The following CSMD2 variants were observed in gnomAD, a reference collection of about 807,000 sequenced individuals.
CSMD2 encodes the protein CUB and sushi domain-containing protein 2.
CSMD2 carries 130 observed loss-of-function variants against 398.5 expected under a neutral mutation model. The observed-to-expected ratio is 0.33, with a 90% confidence interval of 0.28 to 0.38. CSMD2 has a LOEUF of 0.38. CSMD2 is among the 10% of genes least tolerant of loss of function. The pLI is 1.00. For missense variants in CSMD2, 3,829 were observed against 4,764.9 expected (o/e 0.80, Z 5.78); for synonymous variants, 1,828 against 1,908.5 (o/e 0.96, Z 1.10).
chr1:34,161,631 T>G (rs1025170780), intron 1 of CSMD2, among the ~76,000 whole-genome samples: 7 of 152,072 alleles, frequency 4.6e-5, no homozygotes, highest in African/African-American at 1.7e-4. Context: ...TACAATGTAT[T>G]TGGCAATTGA....
At chr1:34,096,282 T>C (rs889269884) in intron 1 of CSMD2, among the ~76,000 whole-genome samples, 10 of 151,848 alleles carry the variant, frequency 6.6e-5, no homozygotes, top group African/African-American at 2.4e-4. Context: ...GAGCTATCTA[T>C]GACAAACCCA....
Position 33,571,607 on chromosome 1 carries a change from A to C in CSMD2, c.7882T>G (p.Tyr2628Asp). 1 of 1,589,980 alleles carries C rather than the reference A, an allele frequency of 6.3e-7. No individual in the cohort carries two copies. The highest frequency in any genetic ancestry group is 1.2e-5 in the South Asian group (1 of 86,406). The stretch of plus-strand genomic sequence containing the variant: ...CAGCGGATGACCCTTTGGCCAGTAT[A>C]GTAGTAGCCAGGGTCACAGATGAGC... Reference protein sequence around the residue: ...LMLICDPGYYYTGQRVIRCQA... With the variant: ...LMLICDPGYYDTGQRVIRCQA... Residue 2628 changes from tyrosine (Y) to aspartate (D), a missense_variant, in exon 51 of 71, where the codon TAT becomes GAT. By Grantham distance (160) the Tyr-to-Asp change is radical. Coordinates refer to ENST00000373381, the MANE Select transcript of CSMD2 (RefSeq NM_001281956.2).
chr1:33,587,214 C>A, intron 44 of CSMD2, 46 bp from the exon 45 acceptor site: 1 of 1,339,796 alleles, frequency 7.5e-7, no homozygotes, highest in Non-Finnish European at 1.0e-6. Context: ...CATCATTCTC[C>A]AGGTACACCG....
chr1:33,609,976 T>A (rs1193195789), intron 41 of CSMD2, among the ~76,000 whole-genome samples: 1 of 152,184 alleles, frequency 6.6e-6, no homozygotes, highest in Non-Finnish European at 1.5e-5. Flanking sequence ...AGTTCCCTTA[T>A]AAAAGAGGCC....
chr1:33,520,869 TC>T (rs1361129905), intron 68 of CSMD2, among the ~76,000 whole-genome samples: 1 of 151,190 alleles, frequency 6.6e-6, no homozygotes, highest in African/African-American at 2.4e-5. Context: ...ACCAGACCCC[TC>T]CCCCCACCAG....
intron 44 of CSMD2, chr1:33,600,388 G>A (rs1640134606): frequency 5.2e-6 from 3 of 577,596 alleles, no homozygotes; most frequent in Non-Finnish European, 9.2e-6. Flanking sequence ...AAAACAGGCT[G>A]CCAATAAAGG....
At chr1:34,147,676 T>G (rs1639909177) in intron 1 of CSMD2, among the ~76,000 whole-genome samples, 1 of 149,562 alleles carries the variant, frequency 6.7e-6, no homozygotes, top group South Asian at 2.1e-4. Flanking sequence ...TTTTAGTGTA[T>G]TATTAAGACA....
intron 43 of CSMD2, among the ~76,000 whole-genome samples, chr1:33,602,014 G>C (rs551491296): frequency 4.6e-5 from 7 of 152,264 alleles, no homozygotes; most frequent in African/African-American, 1.7e-4. Context: ...CATTAGTCTG[G>C]GTGGCTTAGC....
At chr1:33,893,213 G>T (rs1642149237) in intron 5 of CSMD2, among the ~76,000 whole-genome samples, 2 of 152,196 alleles carry the variant, frequency 1.3e-5, no homozygotes, top group Admixed American at 1.3e-4. Flanking sequence ...TTACTTATAA[G>T]AAAGGAGGGG....
chr1:33,833,408 T>C (rs1343152046), intron 6 of CSMD2, among the ~76,000 whole-genome samples: 1 of 150,878 alleles, frequency 6.6e-6, no homozygotes, highest in East Asian at 1.9e-4. Context: ...AACCACATGA[T>C]TATCTCAATA....
chr1:33,778,346 C>T (rs897900009), intron 12 of CSMD2, among the ~76,000 whole-genome samples: 7 of 152,070 alleles, frequency 4.6e-5, no homozygotes, highest in African/African-American at 1.7e-4. Flanking sequence ...AGCAATGATG[C>T]CCCTTGTAAC....
intron 12 of CSMD2, among the ~76,000 whole-genome samples, chr1:33,782,922 G>A (rs1652979050): frequency 6.6e-6 from 1 of 152,112 alleles, no homozygotes. Context: ...TTTGGATTCT[G>A]GGAAGATCAC....
intron 1 of CSMD2, among the ~76,000 whole-genome samples, chr1:34,157,990 T>C (rs1640960180): frequency 1.3e-5 from 2 of 152,144 alleles, no homozygotes; most frequent in Non-Finnish European, 2.9e-5. Flanking sequence ...CTCTAAGAAC[T>C]AAGTGTGTGT....
chr1:33,586,521 G>A lies in CSMD2; in HGVS notation c.7034C>T (p.Pro2345Leu), dbSNP rs1639091349. ...GCAATTACCTTCACATATCGGGGGTGGTCCTTCAAACTGCAGGTAGGTTCC... is the reference window on the plus strand; with the variant it reads ...GCAATTACCTTCACATATCGGGGGTAGTCCTTCAAACTGCAGGTAGGTTCC... The part of the protein sequence containing the change: ...KLGTYLQFEG[P>L]PPICEVHCPT... The change falls in exon 46 of 71, where the codon CCA (proline) becomes CTA (leucine). Residue 2345 changes from proline to leucine, a missense_variant. Around this residue, in one of 5 missense-constraint regions of CSMD2, gnomAD observed 723 missense variants for 758.6 expected, o/e 0.95. Transcript: ENST00000373381. 2 of 1,611,934 alleles carry A rather than the reference G, an allele frequency of 1.2e-6. No homozygotes were observed. The highest frequency in any genetic ancestry group is 4.5e-5 in the East Asian group (2 of 44,850).
At chr1:33,600,471 GT>G in intron 44 of CSMD2, 1 of 529,990 alleles carries the variant, frequency 1.9e-6, no homozygotes, top group African/African-American at 1.9e-5. Context: ...CAAAAACACA[GT>G]GCTCCTTGAG....
In CSMD2 at chr1:33,732,072, C is replaced by T. The variant is rs144852237; in HGVS notation, c.2369-5387G>A. ...ATATGTTTGAAATTTTTCATTTAAACAAGGTGAAGGCAAAAACAGGGAAGC... is the reference window on the plus strand; with the variant it reads ...ATATGTTTGAAATTTTTCATTTAAATAAGGTGAAGGCAAAAACAGGGAAGC... On this transcript the variant is annotated intron_variant, in intron 15 of 70. Coordinates refer to ENST00000373381, the MANE Select transcript of CSMD2 (RefSeq NM_001281956.2). Among the ~76,000 whole-genome samples, 19 of 152,014 alleles carry T rather than the reference C, an allele frequency of 1.2e-4. No homozygotes were observed. The South Asian group carries it at 1.5e-3, about 12-fold the overall frequency.
At chr1:33,978,769 C>G (rs1646059823) in intron 3 of CSMD2, among the ~76,000 whole-genome samples, 1 of 152,204 alleles carries the variant, frequency 6.6e-6, no homozygotes, top group African/African-American at 2.4e-5. Context: ...CCTGACCCCG[C>G]TGCATCTTCA....
At chr1:34,141,393 T>C (rs559329301) in intron 1 of CSMD2, among the ~76,000 whole-genome samples, 6 of 152,102 alleles carry the variant, frequency 3.9e-5, no homozygotes, top group African/African-American at 1.2e-4. Context: ...CATCCTATGT[T>C]GGGTGGTTCT....
At position 33,769,951 on chromosome 1, in the gene CSMD2, GACCA is replaced by G. The variant is rs1342473247; in HGVS notation, c.1846+2614_1846+2617del. Among the ~76,000 whole-genome samples, 3 of 152,252 alleles carry G rather than the reference GACCA, an allele frequency of 2.0e-5. No individual in the cohort carries two copies. The East Asian group carries it at 5.8e-4, about 29-fold the overall frequency. ...TTATGAGCGCTTTGTAAAACACAGAGACCAACCTTATATTTTATATTTTTATAGA... is the reference window on the plus strand; with the variant it reads ...TTATGAGCGCTTTGTAAAACACAGAGACCTTATATTTTATATTTTTATAGA... On this transcript the variant is annotated intron_variant, in intron 13 of 70. Coordinates refer to ENST00000373381, the MANE Select transcript of CSMD2 (RefSeq NM_001281956.2).
Sources: allele counts gnomAD v4.1 joint callset (sites outside exome capture counted in the v4.1 genomes callset), GRCh38; gene constraint gnomAD v4.1.1; regional missense constraint gnomAD v4.1.1; transcripts MANE v1.5; gene names NCBI Gene and HGNC (gene_info 2026-07-23, HGNC 2026-07-21).